STAB2: variants seen among roughly 807,000 people sequenced by gnomAD.
STAB2 encodes stabilin-2.
A neutral mutation model predicts 338.1 loss-of-function variants in STAB2; 288 were observed. The observed-to-expected ratio is 0.85, with a 90% CI of 0.77 to 0.94. The LOEUF (loss-of-function observed/expected upper bound fraction) is 0.94. STAB2 is among the 40% of genes least tolerant of loss of function. The pLI is 0.00. For missense variants in STAB2, 3,141 were observed against 3,210.1 expected (o/e 0.98, Z 0.52); for synonymous variants, 1,202 against 1,193.3 (o/e 1.01, Z -0.15).
Position 103,689,897 on chromosome 12 carries a change from G to C in STAB2, c.3097G>C (p.Val1033Leu). Reference protein sequence around the residue: ...LSATSNLTVLVPSQQATEDMD... With the variant: ...LSATSNLTVLLPSQQATEDMD... Reference sequence around the variant, plus strand: ...AGCCACCTCAAACCTCACTGTCCTCGTGCCTTCCCAACAAGCTACTGAGGA... The same window carrying C: ...AGCCACCTCAAACCTCACTGTCCTCCTGCCTTCCCAACAAGCTACTGAGGA... Residue 1033 changes from valine (V) to leucine (L), a missense_variant, in exon 29 of 69, where the codon GTG (valine) becomes CTG (leucine). Val to Leu is a conservative substitution (Grantham distance 32). Coordinates refer to ENST00000388887, the MANE Select transcript of STAB2 (RefSeq NM_017564.10). The C allele has an allele frequency of 6.2e-7, 1 of 1,614,056 alleles. No homozygotes were observed. The highest frequency in any genetic ancestry group is 8.5e-7 in the Non-Finnish European group (1 of 1,179,998).
chr12:103,695,649 G>A lies in STAB2; in HGVS notation c.3474+1G>A, dbSNP rs773540126. The A allele has an allele frequency of 1.7e-5, 28 of 1,614,134 alleles. 1 individual carries two copies. The South Asian group carries it at 3.1e-4, about 18-fold the overall frequency. Reference sequence around the variant, plus strand: ...TTCCATCTTCCGGGGCTACATCATTGCAAGTACCACATTCTCTGCCTGACC... The same window carrying A: ...TTCCATCTTCCGGGGCTACATCATTACAAGTACCACATTCTCTGCCTGACC... On this transcript the variant is annotated splice_donor_variant, in intron 32 of 68. Coordinates refer to ENST00000388887, the MANE Select transcript of STAB2 (RefSeq NM_017564.10). LOFTEE classifies it high-confidence loss of function.
At chr12:103,744,822 T>C (rs945246718) in intron 56 of STAB2, among the ~76,000 whole-genome samples, 1 of 152,124 alleles carries the variant, frequency 6.6e-6, no homozygotes. Flanking sequence ...CCAGATGAGA[T>C]GATCTCCCTA....
chr12:103,596,980 A>ATT (rs1956886244), intron 3 of STAB2, among the ~76,000 whole-genome samples: 2 of 120,010 alleles, frequency 1.7e-5, no homozygotes, highest in Non-Finnish European at 3.5e-5. Flanking sequence ...AAAAAAAAAG[A>ATT]GTCCAAAAGG....
intron 5 of STAB2, among the ~76,000 whole-genome samples, chr12:103,630,294 T>A (rs907645688): frequency 3.3e-5 from 5 of 152,196 alleles, no homozygotes; most frequent in Non-Finnish European, 7.3e-5. Context: ...AACAAAGGAT[T>A]TGATGGCTTA....
chr12:103,675,589 C>T (rs189530008), intron 23 of STAB2, among the ~76,000 whole-genome samples: 112 of 152,342 alleles, frequency 7.4e-4, no homozygotes, highest in African/African-American at 2.5e-3. Context: ...GATCTGCAAG[C>T]GCTCTGCTAA....
At chr12:103,679,385 A>G (rs913351408) in intron 25 of STAB2, among the ~76,000 whole-genome samples, 40 of 151,930 alleles carry the variant, frequency 2.6e-4, no homozygotes, top group Non-Finnish European at 4.7e-4. Context: ...GAAAAAAAAA[A>G]GGGGGGTCAA....
At chr12:103,594,610 A>G in intron 3 of STAB2, 100 bp downstream of exon 3, 1 of 940,764 alleles carries the variant, frequency 1.1e-6, no homozygotes, top group South Asian at 1.4e-5. Context: ...GAATGTTAAC[A>G]TCCGTTTGTA....
At chr12:103,624,271 C>A (rs1957347489) in intron 5 of STAB2, among the ~76,000 whole-genome samples, 3 of 152,234 alleles carry the variant, frequency 2.0e-5, no homozygotes, top group Admixed American at 2.0e-4. Flanking sequence ...TAGACACTCA[C>A]TACACTGTTT....
chr12:103,615,702 C>T (rs1957199853), intron 3 of STAB2, among the ~76,000 whole-genome samples: 1 of 152,166 alleles, frequency 6.6e-6, no homozygotes, highest in Admixed American at 6.5e-5. Flanking sequence ...GCTCACAGTT[C>T]TGCATTGCTG....
chr12:103,672,397 G>A (rs1875889692), intron 22 of STAB2, among the ~76,000 whole-genome samples: 2 of 152,242 alleles, frequency 1.3e-5, no homozygotes, highest in African/African-American at 4.8e-5. Flanking sequence ...TGGGGCGGTG[G>A]CCTTCCAGCT....
chr12:103,695,454 T>C (rs17034394), intron 31 of STAB2, 96 bp from the exon 32 acceptor site: 67,616 of 1,097,170 alleles, frequency 0.062, 3,574 homozygotes, highest in African/African-American at 0.24. Context: ...CATTGAACTG[T>C]CTAAAGAGGT....
At chr12:103,715,569 A>G (rs1244873117) in intron 42 of STAB2, among the ~76,000 whole-genome samples, 1 of 152,154 alleles carries the variant, frequency 6.6e-6, no homozygotes, top group Non-Finnish European at 1.5e-5. Flanking sequence ...TATTCCACGG[A>G]CTGATTTAAG....
At chr12:103,668,771 C>A in intron 20 of STAB2, 42 bp downstream of exon 20, 1 of 1,482,520 alleles carries the variant, frequency 6.7e-7, no homozygotes. Context: ...GCCAGTAGGG[C>A]CAGGCAGCTC....
At chr12:103,589,978 A>G (rs1206894503) in intron 1 of STAB2, among the ~76,000 whole-genome samples, 2 of 152,172 alleles carry the variant, frequency 1.3e-5, no homozygotes, top group Non-Finnish European at 2.9e-5. Context: ...CAAGATATAG[A>G]GTTTGACTCC....
At chr12:103,729,863 T>C (rs1248569762) in intron 48 of STAB2, among the ~76,000 whole-genome samples, 4 of 152,244 alleles carry the variant, frequency 2.6e-5, no homozygotes, top group African/African-American at 9.6e-5. Flanking sequence ...TGCTTGCTTA[T>C]TTCACATTGG....
chr12:103,700,122 T>C (rs961141678), intron 34 of STAB2, among the ~76,000 whole-genome samples: 1 of 152,244 alleles, frequency 6.6e-6, no homozygotes, highest in African/African-American at 2.4e-5. Context: ...CCTAAATATT[T>C]AAACGTGTTT....
At chr12:103,712,311 T>C in intron 40 of STAB2, 56 bp from the exon 41 acceptor site, 2 of 1,322,808 alleles carry the variant, frequency 1.5e-6, no homozygotes, top group Admixed American at 1.7e-5. Flanking sequence ...TTGTGAGTCA[T>C]GTGGTGGGAG....
At chr12:103,659,287 G>A (rs1874422985) in intron 15 of STAB2, among the ~76,000 whole-genome samples, 1 of 152,196 alleles carries the variant, frequency 6.6e-6, no homozygotes, top group South Asian at 2.1e-4. Context: ...CAGGATAGGT[G>A]GTCCTGCTAC....
intron 17 of STAB2, among the ~76,000 whole-genome samples, chr12:103,661,038 T>A (rs1226344021): frequency 6.6e-6 from 1 of 152,064 alleles, no homozygotes; most frequent in Non-Finnish European, 1.5e-5. Context: ...ATGAGTTAAT[T>A]ATTTAATTAC....
Sources: gnomAD v4.1 joint callset for allele counts (sites outside exome capture counted in the v4.1 genomes callset) on GRCh38, gnomAD v4.1.1 for gene constraint, MANE v1.5 for transcripts, NCBI Gene and HGNC (gene_info 2026-07-23, HGNC 2026-07-21) for gene names.